Variants in PCLO observed in about 807,000 individuals in gnomAD.
PCLO encodes the protein piccolo presynaptic cytomatrix protein.
In PCLO, 82 loss-of-function variants were observed where a neutral mutation model predicts 427.5. The ratio of observed to expected loss-of-function variants is 0.19; its 90% CI spans 0.16 to 0.23. The LOEUF (loss-of-function observed/expected upper bound fraction) is 0.23. Among genes scored for constraint, PCLO ranks in the 10% least tolerant of loss-of-function variants. The pLI, the probability that PCLO is intolerant of heterozygous loss-of-function variation, is 1.00. For missense variants in PCLO, 6,239 were observed against 6,115.9 expected (o/e 1.02, Z -0.67); for synonymous variants, 2,357 against 2,155.4 (o/e 1.09, Z -2.59).
intron 22 of PCLO, 116 bp downstream of exon 22, chr7:82,801,402 T>C: frequency 3.3e-6 from 2 of 607,714 alleles, no homozygotes; most frequent in South Asian, 2.2e-5. Flanking sequence ...TTACTACCTA[T>C]TGCTTTTGCC....
chr7:83,154,651 C>T, intron 2 of PCLO, 97 bp downstream of exon 2: 2 of 906,824 alleles, frequency 2.2e-6, no homozygotes, highest in East Asian at 2.5e-5. Context: ...CAGAGAAAGA[C>T]AATGCCATCA....
intron 3 of PCLO, among the ~76,000 whole-genome samples, chr7:83,050,747 TAA>T (rs71522639): frequency 3.5e-5 from 5 of 141,466 alleles, no homozygotes; most frequent in Non-Finnish European, 4.6e-5. Flanking sequence ...TACTAAAAAT[TAA>T]AAAAAAAAAA....
At chr7:83,093,472 G>GTGTGTGTGTATATA (rs745824155) in intron 3 of PCLO, among the ~76,000 whole-genome samples, 3,864 of 97,936 alleles carry the variant, frequency 0.039, 625 homozygotes, top group East Asian at 0.17. Flanking sequence ...ATGTGTGTGT[G>GTGTGTGTGTATATA]TATAGATATA....
At chr7:82,846,457 T>TC in intron 12 of PCLO, 110 bp downstream of exon 12, 1 of 671,518 alleles carries the variant, frequency 1.5e-6, no homozygotes. Context: ...TTTATATTTG[T>TC]CTATATCTGT....
chr7:83,130,800 A>G (rs915015863), intron 3 of PCLO, among the ~76,000 whole-genome samples: 2 of 152,198 alleles, frequency 1.3e-5, no homozygotes, highest in African/African-American at 4.8e-5. Flanking sequence ...GTCTTATCTT[A>G]AAAGACTCAT....
intron 3 of PCLO, among the ~76,000 whole-genome samples, chr7:82,990,688 T>C (rs1307856911): frequency 6.6e-6 from 1 of 152,202 alleles, no homozygotes; most frequent in Non-Finnish European, 1.5e-5. Context: ...TAATAATGTA[T>C]GAGCTGTTTG....
chr7:82,951,038 A>G lies in PCLO; in HGVS notation c.9550T>C (p.Leu3184=). The change falls in exon 6 of 25, where the codon TTA becomes CTA. Residue 3184 remains leucine, a synonymous_variant. Transcript: ENST00000333891. ...GGAAACACTTCGGATGCTGTGGTTA[A>G]AGTGGGAACAGAGTCTATCGTCTCA... The part of the protein sequence containing the change: ...TAETIDSVPT[L]TTASEVFPEV... 6.2e-7 allele frequency: 1 copy of G among 1,613,936 alleles called. No individual in the cohort carries two copies. Among genetic ancestry groups the G allele is most frequent in the Non-Finnish European group, 8.5e-7 (1 of 1,179,840 alleles).
rs537197986 is a variant in PCLO at position 83,049,714 on chromosome 7, C to T, written c.3301-83227G>A. ...CTTAGGGGTTAGTTTTGGGAAGGAA[C>T]TATTATCTCCTTGCTTTAAACTATA... On this transcript the variant is annotated intron_variant, in intron 3 of 24. Transcript: ENST00000333891. Among the ~76,000 whole-genome samples the T allele has an allele frequency of 3.3e-5, 5 of 152,144 alleles. No individual in the cohort carries two copies. In the South Asian group the frequency reaches 8.3e-4, roughly 25 times the overall value.
At chr7:83,005,952 T>C (rs911132360) in intron 3 of PCLO, among the ~76,000 whole-genome samples, 1 of 151,648 alleles carries the variant, frequency 6.6e-6, no homozygotes, top group Non-Finnish European at 1.5e-5. Flanking sequence ...CAGTAAAATA[T>C]AGGAGCAAAG....
At chr7:82,876,377 T>C (rs918481161) in intron 10 of PCLO, among the ~76,000 whole-genome samples, 2 of 151,882 alleles carry the variant, frequency 1.3e-5, no homozygotes, top group South Asian at 2.1e-4. Flanking sequence ...CTTTGGAATT[T>C]TGGGATAATC....
chr7:83,038,065 T>TTTTATATA lies in PCLO; in HGVS notation c.3301-71579_3301-71578insTATATAAA, dbSNP rs1349804565. ...TATATATATATCTTTATATATATATTTATATATTTATATATATATCTTTAT... is the reference window on the plus strand; with the variant it reads ...TATATATATATCTTTATATATATATTTTTATATATATATATTTATATATATATCTTTAT... On this transcript the variant is annotated intron_variant, in intron 3 of 24. Transcript: ENST00000333891. Among the ~76,000 whole-genome samples, 36 of 31,542 alleles carry TTTTATATA rather than the reference T, an allele frequency of 1.1e-3. 1 individual carries two copies. The highest frequency in any genetic ancestry group is 4.9e-3 in the African/African-American group (34 of 6,960). 20.7% of individuals were successfully genotyped at this position (31,542 alleles called of 152,430 possible).
intron 3 of PCLO, among the ~76,000 whole-genome samples, chr7:82,975,975 T>C (rs890400401): frequency 4.6e-5 from 7 of 152,200 alleles, no homozygotes; most frequent in Non-Finnish European, 1.0e-4. Flanking sequence ...TAAACTTCTT[T>C]GTTTTATAAA....
intron 3 of PCLO, among the ~76,000 whole-genome samples, chr7:83,117,617 T>G (rs900734014): frequency 4.6e-5 from 7 of 152,180 alleles, no homozygotes. Flanking sequence ...CTGAGTGTTC[T>G]TCACCTGTGA....
chr7:82,995,319 C>T (rs1368288063), intron 3 of PCLO, among the ~76,000 whole-genome samples: 2 of 151,866 alleles, frequency 1.3e-5, no homozygotes, highest in African/African-American at 4.8e-5. Flanking sequence ...ACCATAGAAA[C>T]CAAGAGAAGA....
At chr7:83,134,226 T>TAC in intron 3 of PCLO, 24 bp downstream of exon 3, 4 of 617,184 alleles carry the variant, frequency 6.5e-6, no homozygotes, top group Non-Finnish European at 9.3e-6. Context: ...GTAATATATA[T>TAC]ATATATATAT....
chr7:83,068,124 C>A (rs922895242), intron 3 of PCLO, among the ~76,000 whole-genome samples: 1 of 151,938 alleles, frequency 6.6e-6, no homozygotes, highest in African/African-American at 2.4e-5. Context: ...TTTATACACA[C>A]TAAACCAAAG....
Position 83,135,074 on chromosome 7 carries a change from A to T in PCLO, c.2476T>A (p.Ser826Thr). Reference sequence around the variant, plus strand: ...GGATGTGAAATAATTTTTGAATCTGATGCAGGTCGAGGTATGGCTTTAGAA... The same window carrying T: ...GGATGTGAAATAATTTTTGAATCTGTTGCAGGTCGAGGTATGGCTTTAGAA... The part of the protein sequence containing the change: ...FDSKAIPRPA[S>T]DSKIISHPGP... The change falls in exon 3 of 25, where the codon TCA becomes ACA. Residue 826 changes from serine (S) to threonine (T), a missense_variant. Transcript: ENST00000333891. 1.2e-6 allele frequency: 2 copies of T among 1,613,862 alleles called. No individual in the cohort carries two copies. The highest frequency in any genetic ancestry group is 1.7e-6 in the Non-Finnish European group (2 of 1,179,852).
chr7:82,793,747 G>C (rs574208194), intron 22 of PCLO, among the ~76,000 whole-genome samples: 1 of 152,234 alleles, frequency 6.6e-6, no homozygotes, highest in East Asian at 1.9e-4. Flanking sequence ...CTTTATGCCT[G>C]CTGCATGGCT....
intron 8 of PCLO, 24 bp downstream of exon 8, chr7:82,908,853 G>A: frequency 1.3e-6 from 2 of 1,599,742 alleles, no homozygotes; most frequent in Non-Finnish European, 1.7e-6. Context: ...AAATCTAAAA[G>A]AAATTGCTAA....
Sources: gnomAD v4.1 joint callset for allele counts (sites outside exome capture counted in the v4.1 genomes callset) on GRCh38, gnomAD v4.1.1 for gene constraint, MANE v1.5 for transcripts, NCBI Gene and HGNC (gene_info 2026-07-23, HGNC 2026-07-21) for gene names.